The following KRT73 variants were observed in gnomAD, a reference collection of about 807,000 sequenced individuals.
KRT73 encodes the protein keratin, type II cytoskeletal 73.
In KRT73, 44 loss-of-function variants were observed where a neutral mutation model predicts 47.2. That is an observed-to-expected ratio of 0.93 (90% CI 0.73 to 1.20). The LOEUF (loss-of-function observed/expected upper bound fraction) is 1.20, where lower values mean the gene tolerates loss of function less well. KRT73 is among the 50% of genes most tolerant of loss of function. KRT73 has a pLI of 0.00. For missense variants in KRT73, 713 were observed against 704.5 expected, an observed-to-expected ratio of 1.01 and a Z score of -0.14; for synonymous variants, 285 against 291.3, an observed-to-expected ratio of 0.98 and a Z score of 0.22.
the KRT73 span, among the ~76,000 whole-genome samples, chr12:52,629,412 G>A: frequency 2.0e-5 from 3 of 152,162 alleles, no homozygotes; most frequent in South Asian, 2.1e-4. Flanking sequence ...CTTCCCCCAC[G>A]TGGATGCAGC....
chr12:52,620,188 A>G (rs919077766), upstream of KRT73, among the ~76,000 whole-genome samples: 37 of 133,770 alleles, frequency 2.8e-4, no homozygotes, highest in African/African-American at 1.1e-3. Context: ...ATCTCGGCTC[A>G]TCGCAACCTC....
At chr12:52,609,393 AC>A in intron 7 of KRT73, 112 bp from the exon 8 acceptor site, 1 of 855,242 alleles carries the variant, frequency 1.2e-6, no homozygotes, top group Non-Finnish European at 2.0e-6. Context: ...GCCTTCACGC[AC>A]CCCACACTTG....
At chr12:52,614,526 C>A in intron 4 of KRT73, 53 bp downstream of exon 4, 1 of 1,478,324 alleles carries the variant, frequency 6.8e-7, no homozygotes, top group Non-Finnish European at 9.4e-7. Context: ...CTGTTCATCA[C>A]ATATCTGTCC....
At chr12:52,619,984 A>G (rs1205717798), upstream of KRT73, among the ~76,000 whole-genome samples, 1 of 152,198 alleles carries the variant, frequency 6.6e-6, no homozygotes, top group East Asian at 1.9e-4. Flanking sequence ...TCTGTTTTAT[A>G]CAATATGGTT....
intron 1 of KRT73, 71 bp from the exon 2 acceptor site, chr12:52,616,451 C>T (rs1940816442): frequency 1.3e-6 from 2 of 1,574,588 alleles, no homozygotes; most frequent in Non-Finnish European, 1.7e-6. Context: ...TGGACAGGAA[C>T]TGTGTTTTCT....
chr12:52,608,009 G>A lies in KRT73; in HGVS notation c.*187C>T, dbSNP rs1449806164. On this transcript the variant is annotated 3_prime_UTR_variant, in exon 9 of 9. Transcript: ENST00000305748. ...GATGGAGGCAGAAAGATGGGCTCCA[G>A]CTCTCAAATCCTGATTCAACATTAA... 12 of 633,994 alleles carry A rather than the reference G, an allele frequency of 1.9e-5. No individual in the cohort carries two copies. The Admixed American group carries it at 3.1e-4, about 16-fold the overall frequency. 39.3% of individuals were successfully genotyped at this position (633,994 alleles called of 1,614,324 possible).
rs781406728 is a variant in KRT73 at position 52,615,321 on chromosome 12, G to C, written c.681C>G (p.Asn227Lys). The C allele has an allele frequency of 1.2e-6, 2 of 1,613,898 alleles. No homozygotes were observed. Among genetic ancestry groups the C allele is most frequent in the Non-Finnish European group, 8.5e-7 (1 of 1,179,944 alleles). Residue 227 changes from asparagine (N) to lysine (K), a missense_variant, in exon 3 of 9, where the codon AAC becomes AAG. Asn to Lys is a moderately conservative substitution (Grantham distance 94). Coordinates refer to ENST00000305748, the MANE Select transcript of KRT73 (RefSeq NM_175068.3). Reference protein sequence around the residue: ...DYKKRYEEEINKRTTAENEFV... With the variant: ...DYKKRYEEEIKKRTTAENEFV... ...ATTCATTCTCAGCAGTTGTGCGCTT[G>C]TTTATTTCTTCTTCATACCTGCAGG...
intron 8 of KRT73, 144 bp downstream of exon 8, chr12:52,609,103 G>A (rs1373422830): frequency 1.1e-5 from 8 of 733,760 alleles, no homozygotes; most frequent in Non-Finnish European, 1.7e-5. Context: ...GAGGCCGCAG[G>A]TCTCAGCAAG....
chr12:52,613,882 C>A, intron 4 of KRT73, 30 bp from the exon 5 acceptor site: 1 of 1,603,952 alleles, frequency 6.2e-7, no homozygotes, highest in Non-Finnish European at 8.5e-7. Flanking sequence ...GCATGAAATG[C>A]CTTCTGTGAC....
rs1281636776 is a variant in KRT73 at position 52,618,217 on chromosome 12, C to G, written c.308G>C (p.Gly103Ala). 6.2e-7 allele frequency: 1 copy of G among 1,614,118 alleles called. No homozygotes were observed. Among genetic ancestry groups the G allele is most frequent in the Non-Finnish European group, 8.5e-7 (1 of 1,180,000 alleles). The change falls in exon 1 of 9, where the codon GGT becomes GCT. Residue 103 changes from glycine (G) to alanine (A), a missense_variant. By Grantham distance (60) the Gly-to-Ala change is moderately conservative. Coordinates refer to ENST00000305748, the MANE Select transcript of KRT73 (RefSeq NM_175068.3). ...CTTGTTGATGGTGACCTGATGGATA[C>G]CCCCGGGCGGGCACAACGACGGACA... ...SVCPSLCPPG[G>A]IHQVTINKSL...
intron 2 of KRT73, 108 bp from the exon 3 acceptor site, chr12:52,615,447 G>C (rs1320361798): frequency 5.7e-6 from 5 of 872,636 alleles, no homozygotes; most frequent in Non-Finnish European, 9.1e-6. Flanking sequence ...CTTTTAAGAG[G>C]TATTATTCTA....
intron 5 of KRT73, 173 bp downstream of exon 5, chr12:52,613,515 G>T (rs1222051663): frequency 1.6e-6 from 2 of 1,255,124 alleles, no homozygotes; most frequent in African/African-American, 1.5e-5. Flanking sequence ...GATCTAAGTG[G>T]GTGCCAAGGA....
At chr12:52,629,907 A>G in the KRT73 span, among the ~76,000 whole-genome samples, 3 of 152,156 alleles carry the variant, frequency 2.0e-5, no homozygotes, top group African/African-American at 4.8e-5. Context: ...CACTGTTCCT[A>G]GACTTGCACA....
At chr12:52,610,062 CTGTT>C (rs61285190) in intron 7 of KRT73, 21,158 of 158,516 alleles carry the variant, frequency 0.13, 1,822 homozygotes, top group East Asian at 0.5. Context: ...TGTGTTTTGT[CTGTT>C]TGTTTGTTTG....
At chr12:52,616,625 A>C (rs1278722960) in intron 1 of KRT73, among the ~76,000 whole-genome samples, 1 of 152,000 alleles carries the variant, frequency 6.6e-6, no homozygotes, top group Non-Finnish European at 1.5e-5. Context: ...TCCCTCTCAA[A>C]CTATCAAGAT....
rs1335959716 is a variant in KRT73 at position 52,615,283 on chromosome 12, T to A, written c.719A>T (p.Lys240Met). Residue 240 changes from lysine (K) to methionine (M), a missense_variant, in exon 3 of 9, where the codon AAG becomes ATG. Physicochemically the swap from Lys to Met is moderately conservative, Grantham distance 95. Transcript: ENST00000305748. ...GAACCCATGCACCCTCCTCACCTTC[T>A]TAAGCACCACAAATTCATTCTCAGC... Reference protein sequence around the residue: ...TTAENEFVVLKKDVDAAYTSK... With the variant: ...TTAENEFVVLMKDVDAAYTSK... 6.2e-7 allele frequency: 1 copy of A among 1,613,692 alleles called. No homozygotes were observed. Among genetic ancestry groups the A allele is most frequent in the East Asian group, 2.2e-5 (1 of 44,884 alleles).
rs1392459463 is a variant in KRT73 at position 52,610,792 on chromosome 12, C to G, written c.1154G>C (p.Gly385Ala). The change falls in exon 7 of 9, where the codon GGG becomes GCG. Residue 385 changes from glycine (G) to alanine (A), a missense_variant. Physicochemically the swap from Gly to Ala is moderately conservative, Grantham distance 60. Coordinates refer to ENST00000305748, the MANE Select transcript of KRT73 (RefSeq NM_175068.3). Reference sequence around the variant, plus strand: ...CCTGGCATCCTTGAGGGCACAGTCCCCCCGCTGCTCGGCGTCAGCGATGGC... The same window carrying G: ...CCTGGCATCCTTGAGGGCACAGTCCGCCCGCTGCTCGGCGTCAGCGATGGC... ...ETAIADAEQR[G>A]DCALKDARAK... The G allele has an allele frequency of 1.2e-6, 2 of 1,613,476 alleles. No individual in the cohort carries two copies. Among genetic ancestry groups the G allele is most frequent in the East Asian group, 4.5e-5 (2 of 44,850 alleles).
intron 4 of KRT73, 53 bp downstream of exon 4, chr12:52,614,526 C>T (rs1413109839): frequency 6.8e-7 from 1 of 1,478,320 alleles, no homozygotes; most frequent in South Asian, 1.2e-5. Context: ...CTGTTCATCA[C>T]ATATCTGTCC....
upstream of KRT73, among the ~76,000 whole-genome samples, chr12:52,622,046 G>A (rs530359783): frequency 1.3e-3 from 199 of 152,210 alleles, no homozygotes; most frequent in Middle Eastern, 0.01. Flanking sequence ...ACAATATCCA[G>A]AATCTCATAA....
Sources: allele counts gnomAD v4.1 joint callset (sites outside exome capture counted in the v4.1 genomes callset), GRCh38; gene constraint gnomAD v4.1.1; transcripts MANE v1.5; gene names NCBI Gene and HGNC (gene_info 2026-07-23, HGNC 2026-07-21).